UTRN: variants seen among roughly 807,000 people sequenced by gnomAD.
UTRN encodes the protein dystrophin-related protein 1.
Under a neutral mutation model 463.9 loss-of-function variants are expected in UTRN, and 283 were observed. That is an observed-to-expected ratio of 0.61 (90% CI 0.55 to 0.67). UTRN has a LOEUF of 0.67. Ranked by LOEUF, UTRN falls within the 30% of genes least tolerant of loss-of-function variation. UTRN has a pLI of 0.00. For missense variants in UTRN, 3,922 were observed against 4,084.3 expected (o/e 0.96, Z 1.08); for synonymous variants, 1,442 against 1,431.5 (o/e 1.01, Z -0.17).
At chr6:144,296,332 A>G (rs1373616239) in intron 2 of UTRN, among the ~76,000 whole-genome samples, 1 of 152,196 alleles carries the variant, frequency 6.6e-6, no homozygotes, top group Non-Finnish European at 1.5e-5. Context: ...CCTGCTCCTT[A>G]TGAGAATCTA....
intron 26 of UTRN, among the ~76,000 whole-genome samples, chr6:144,480,246 C>T (rs1269898851): frequency 6.6e-6 from 1 of 152,080 alleles, no homozygotes; most frequent in Non-Finnish European, 1.5e-5. Flanking sequence ...CTTTGGGAGG[C>T]TACAGAGAAT....
intron 2 of UTRN, among the ~76,000 whole-genome samples, chr6:144,388,833 A>G (rs1362902035): frequency 6.6e-6 from 1 of 152,170 alleles, no homozygotes; most frequent in Non-Finnish European, 1.5e-5. Context: ...ATGAAAATAT[A>G]CTTTTAAACA....
At chr6:144,843,212 A>G (rs60619577) in intron 73 of UTRN, among the ~76,000 whole-genome samples, 2,678 of 152,218 alleles carry the variant, frequency 0.018, 73 homozygotes, top group African/African-American at 0.059. Context: ...AATATCATGG[A>G]CATTTTCAAT....
At chr6:144,487,846 G>A in intron 29 of UTRN, 149 bp downstream of exon 29, 1 of 646,506 alleles carries the variant, frequency 1.5e-6, no homozygotes, top group Non-Finnish European at 2.4e-6. Context: ...TGAGGGTATT[G>A]AAATATTCAG....
rs561259983 is a variant in UTRN at position 144,538,194 on chromosome 6, C to T, written c.6369+477C>T. Reference sequence around the variant, plus strand: ...TCAGATTTTCTTTGTTGGTTTGCAACTAACAAGTATTGTTTATAGTTGTAT... The same window carrying T: ...TCAGATTTTCTTTGTTGGTTTGCAATTAACAAGTATTGTTTATAGTTGTAT... On this transcript the variant is annotated intron_variant, in intron 44 of 74. Transcript: ENST00000367545. 2.1e-3 allele frequency among the ~76,000 whole-genome samples: 313 copies of T among 152,004 alleles called. 2 individuals are homozygous for T. Among genetic ancestry groups the T allele is most frequent in the African/African-American group, 7.1e-3 (294 of 41,442 alleles).
In UTRN at chr6:144,440,452, T is replaced by C. The variant is rs1394429257; in HGVS notation, c.1493T>C (p.Ile498Thr). ...DENSGESATA[I>T]LEDQLQKLGE... ...AACAGTGGTGAGAGTGCTACAGCTA[T>C]CCTAGAAGACCAGTTACAGGTAAGA... is the stretch of plus-strand genomic sequence containing the variant. Residue 498 changes from isoleucine (I) to threonine (T), a missense_variant, in exon 13 of 75, where the codon ATC (isoleucine) becomes ACC (threonine). Around this residue, in one of 3 missense-constraint regions of UTRN, gnomAD observed 2,349 missense variants for 2,303.8 expected, o/e 1.02. Transcript: ENST00000367545. 2 of 1,614,192 alleles carry C rather than the reference T, an allele frequency of 1.2e-6. No individual in the cohort carries two copies. Among genetic ancestry groups the C allele is most frequent in the Admixed American group, 1.7e-5 (1 of 60,024 alleles).
At chr6:144,674,174 A>AT (rs1209382889) in intron 51 of UTRN, among the ~76,000 whole-genome samples, 1 of 151,060 alleles carries the variant, frequency 6.6e-6, no homozygotes, top group East Asian at 1.9e-4. Context: ...AGCTTCTTGT[A>AT]TTTGGATGTC....
chr6:144,347,236 A>G (rs115652121), intron 2 of UTRN, among the ~76,000 whole-genome samples: 1,658 of 152,326 alleles, frequency 0.011, 25 homozygotes, highest in African/African-American at 0.037. Flanking sequence ...CCCCCATTAG[A>G]ATCACCAACA....
intron 2 of UTRN, among the ~76,000 whole-genome samples, chr6:144,323,025 T>G (rs1007780861): frequency 2.1e-4 from 32 of 151,918 alleles, no homozygotes; most frequent in African/African-American, 7.2e-4. Flanking sequence ...ACTCCATCCA[T>G]GTGTAAAGGA....
chr6:144,684,401 A>G (rs1267871038), intron 52 of UTRN, among the ~76,000 whole-genome samples: 2 of 152,006 alleles, frequency 1.3e-5, no homozygotes, highest in Non-Finnish European at 2.9e-5. Context: ...GTTGGTGCCA[A>G]TATCCATATT....
At chr6:144,306,933 C>T (rs1294809340) in intron 2 of UTRN, among the ~76,000 whole-genome samples, 3 of 151,034 alleles carry the variant, frequency 2.0e-5, no homozygotes, top group African/African-American at 4.9e-5. Context: ...GGCATGGGGT[C>T]GCGCACCTGT....
chr6:144,412,588 G>A (rs1347210330), intron 3 of UTRN, among the ~76,000 whole-genome samples: 12 of 151,928 alleles, frequency 7.9e-5, no homozygotes, highest in Non-Finnish European at 8.8e-5. Flanking sequence ...TGAGGAGGGA[G>A]AGAGAGAGAC....
intron 64 of UTRN, among the ~76,000 whole-genome samples, chr6:144,802,232 A>C (rs1207694923): frequency 2.0e-5 from 3 of 152,220 alleles, no homozygotes; most frequent in African/African-American, 7.2e-5. Context: ...CTCCTTGGCA[A>C]AAGTAAGCTG....
chr6:144,425,661 T>C (rs550268144), intron 6 of UTRN, among the ~76,000 whole-genome samples: 52 of 152,306 alleles, frequency 3.4e-4, no homozygotes, highest in African/African-American at 1.2e-3. Flanking sequence ...TATAGATTCA[T>C]GGACATTTGC....
At chr6:144,356,353 T>C (rs1235943409) in intron 2 of UTRN, among the ~76,000 whole-genome samples, 1 of 152,164 alleles carries the variant, frequency 6.6e-6, no homozygotes, top group East Asian at 1.9e-4. Context: ...TTTCTATTAA[T>C]GTCTAAAATG....
chr6:144,821,204 T>G (rs1274823427), intron 66 of UTRN, among the ~76,000 whole-genome samples, 186 bp downstream of exon 66: 1 of 152,230 alleles, frequency 6.6e-6, no homozygotes, highest in Non-Finnish European at 1.5e-5. Flanking sequence ...CAGCCAAAAT[T>G]TCAATTTTAA....
chr6:144,360,993 A>C (rs753553125), intron 2 of UTRN, among the ~76,000 whole-genome samples: 1 of 152,244 alleles, frequency 6.6e-6, no homozygotes, highest in Non-Finnish European at 1.5e-5. Flanking sequence ...GATTGATGAA[A>C]GAAGAGGAAA....
chr6:144,293,503 C>T (rs949602553), intron 2 of UTRN, among the ~76,000 whole-genome samples: 3 of 152,118 alleles, frequency 2.0e-5, no homozygotes, highest in African/African-American at 7.2e-5. Context: ...ATGTTTTTAA[C>T]ACATGCATAT....
intron 51 of UTRN, among the ~76,000 whole-genome samples, chr6:144,672,508 A>G (rs996591382): frequency 1.3e-5 from 2 of 151,992 alleles, no homozygotes; most frequent in African/African-American, 4.8e-5. Context: ...TATCAGTTGT[A>G]GTATCACCCA....
Sources: gnomAD v4.1 joint callset for allele counts (sites outside exome capture counted in the v4.1 genomes callset) on GRCh38, gnomAD v4.1.1 for gene constraint, gnomAD v4.1.1 regional missense constraint, MANE v1.5 for transcripts, NCBI Gene and HGNC (gene_info 2026-07-23, HGNC 2026-07-21) for gene names.